ISOC1: variants seen among roughly 807,000 people sequenced by gnomAD.
ISOC1 encodes isochorismatase domain containing 1.
A neutral mutation model predicts 30.0 loss-of-function variants in ISOC1; 33 were observed. The observed-to-expected ratio is 1.10, with a 90% CI of 0.83 to 1.47. The LOEUF is 1.47. Among genes scored for constraint, ISOC1 ranks in the 40% most tolerant of loss-of-function variants. The pLI, the probability that ISOC1 is intolerant of heterozygous loss-of-function variation, is 0.00. For synonymous variants in ISOC1, 178 were observed against 159.8 expected, an observed-to-expected ratio of 1.11 and a Z score of -0.86; for missense variants, 372 against 388.0, an observed-to-expected ratio of 0.96 and a Z score of 0.35.
At chr5:129,100,098 T>C (rs1753551853) in intron 1 of ISOC1, among the ~76,000 whole-genome samples, 2 of 146,820 alleles carry the variant, frequency 1.4e-5, no homozygotes, top group South Asian at 4.4e-4. Context: ...TCAGAAACAC[T>C]TGGGAGTGAA....
At chr5:129,101,192 A>AAATAT (rs1554064627) in intron 1 of ISOC1, among the ~76,000 whole-genome samples, 4 of 42,236 alleles carry the variant, frequency 9.5e-5, no homozygotes, top group Admixed American at 3.3e-4. Flanking sequence ...AAAAAAAAAA[A>AAATAT]ATATATATAT....
chr5:129,105,473 C>A, intron 3 of ISOC1, 85 bp downstream of exon 3: 1 of 1,130,402 alleles, frequency 8.8e-7, no homozygotes, highest in Non-Finnish European at 1.3e-6. Context: ...ATATGGTATG[C>A]CAGGTAGGCA....
intron 1 of ISOC1, among the ~76,000 whole-genome samples, chr5:129,102,653 T>A (rs1172126112): frequency 6.6e-6 from 1 of 152,240 alleles, no homozygotes; most frequent in Non-Finnish European, 1.5e-5. Flanking sequence ...AATGATGTTT[T>A]CCTAATTTAT....
At chr5:129,098,902 G>A (rs1326016786) in intron 1 of ISOC1, among the ~76,000 whole-genome samples, 1 of 152,152 alleles carries the variant, frequency 6.6e-6, no homozygotes, top group Non-Finnish European at 1.5e-5. Context: ...AAGGCAGGAG[G>A]AAAGGAACCT....
Position 129,104,976 on chromosome 5 carries a change from T to C in ISOC1, c.330T>C (p.Leu110=), listed in dbSNP as rs775254315. 2 of 1,613,648 alleles carry C rather than the reference T, an allele frequency of 1.2e-6. No individual in the cohort carries two copies. Among genetic ancestry groups the C allele is most frequent in the South Asian group, 2.2e-5 (2 of 91,042 alleles). The change falls in exon 2 of 5, where the codon CTT becomes CTC. Residue 110 remains leucine (L), a synonymous_variant. Transcript: ENST00000173527. ...LQIQLTTLGN[L]TPSSTVFFCC... ...CTCAGCTCACTACCCTGGGAAATCT[T>C]ACACCTTCAAGCACTGTGTTTTTCT...
At chr5:129,104,892 C>T (rs989952184) in intron 1 of ISOC1, 64 bp from the exon 2 acceptor site, 2 of 1,532,828 alleles carry the variant, frequency 1.3e-6, no homozygotes, top group Admixed American at 1.8e-5. Context: ...CTTTATTGAC[C>T]TCCACTGAAA....
chr5:129,096,202 G>A (rs1449151170), intron 1 of ISOC1, among the ~76,000 whole-genome samples: 1 of 152,006 alleles, frequency 6.6e-6, no homozygotes, highest in East Asian at 1.9e-4. Context: ...TTATTTCTTT[G>A]TTCCAAATTC....
intron 1 of ISOC1, among the ~76,000 whole-genome samples, chr5:129,096,459 C>G (rs557124783): frequency 6.6e-6 from 1 of 152,268 alleles, no homozygotes; most frequent in African/African-American, 2.4e-5. Flanking sequence ...GATAAAGTTC[C>G]TGCATTCAGA....
chr5:129,105,148 TAG>T lies in ISOC1; in HGVS notation c.430-36_430-35del, dbSNP rs1193469455. ...ACTCATATATACACATATATGTATATAGCTAATTGTTTTTGTGTTTGGTTATT... is the reference window on the plus strand; with the variant it reads ...ACTCATATATACACATATATGTATATCTAATTGTTTTTGTGTTTGGTTATT... On this transcript the variant is annotated intron_variant, in intron 2 of 4. Coordinates refer to ENST00000173527, the MANE Select transcript of ISOC1 (RefSeq NM_016048.2). The T allele has an allele frequency of 3.1e-6, 5 of 1,612,732 alleles. No homozygotes were observed. In the South Asian group the frequency reaches 5.5e-5, roughly 18 times the overall value.
At chr5:129,110,073 G>A (rs1337842910) in intron 4 of ISOC1, among the ~76,000 whole-genome samples, 1 of 152,182 alleles carries the variant, frequency 6.6e-6, no homozygotes, top group Non-Finnish European at 1.5e-5. Context: ...TGACCTTGAT[G>A]TCCTTGTACT....
rs1007182897 is a variant in ISOC1 at position 129,100,808 on chromosome 5, A to G, written c.310-4148A>G. Among the ~76,000 whole-genome samples, 5 of 152,008 alleles carry G rather than the reference A, an allele frequency of 3.3e-5. No homozygotes were observed. In the East Asian group the frequency reaches 7.7e-4, roughly 23 times the overall value. ...GAGGATTTGGGAGGATTGGTTGGAC[A>G]TGATTAAAGTTTTTCAGTATGTTTT... is the stretch of plus-strand genomic sequence containing the variant. On this transcript the variant is annotated intron_variant, in intron 1 of 4. Transcript: ENST00000173527.
At chr5:129,098,794 T>C (rs949249496) in intron 1 of ISOC1, among the ~76,000 whole-genome samples, 3 of 152,180 alleles carry the variant, frequency 2.0e-5, no homozygotes, top group Non-Finnish European at 4.4e-5. Context: ...CCAGCTTTCA[T>C]TTTCTTGGAA....
intron 1 of ISOC1, among the ~76,000 whole-genome samples, chr5:129,103,094 C>T (rs1753591356): frequency 6.6e-6 from 1 of 152,178 alleles, no homozygotes; most frequent in African/African-American, 2.4e-5. Context: ...AGGCCTGCTG[C>T]AGGCAAACTG....
rs1273700428 is a variant in ISOC1 at position 129,105,055 on chromosome 5, A to G, written c.409A>G (p.Ile137Val). ...AGCCATCAAGTATTTTGGGGATATT[A>G]TTAGCGTGGGACAGAGATTGGTATG... Reference protein sequence around the residue: ...RPAIKYFGDIISVGQRLLQGA... With the variant: ...RPAIKYFGDIVSVGQRLLQGA... The change falls in exon 2 of 5, where the codon ATT becomes GTT. Residue 137 changes from isoleucine to valine, a missense_variant. Physicochemically the swap from Ile to Val is conservative, Grantham distance 29 (BLOSUM62 3). Transcript: ENST00000173527. The G allele has an allele frequency of 1.9e-6, 3 of 1,613,910 alleles. No homozygotes were observed. The highest frequency in any genetic ancestry group is 1.1e-5 in the South Asian group (1 of 91,080).
At position 129,105,062 on chromosome 5, in the gene ISOC1, T is replaced by A; in HGVS notation, c.416T>A (p.Val139Glu). The change falls in exon 2 of 5, where the codon GTG (valine) becomes GAG (glutamate). Residue 139 changes from valine to glutamate, a missense_variant. Val to Glu is a moderately radical substitution (Grantham distance 121, BLOSUM62 -2). Coordinates refer to ENST00000173527, the MANE Select transcript of ISOC1 (RefSeq NM_016048.2). ...AIKYFGDIIS[V>E]GQRLLQGARI... ...AAGTATTTTGGGGATATTATTAGCG[T>A]GGGACAGAGATTGGTATGCTTGTTT... 6.2e-7 allele frequency: 1 copy of A among 1,613,890 alleles called. No homozygotes were observed. The highest frequency in any genetic ancestry group is 1.1e-5 in the South Asian group (1 of 91,074).
Position 129,112,940 on chromosome 5 carries a change from A to T in ISOC1, c.836A>T (p.Lys279Met). ...GCTGATAAGGACCATCCAAAATTCA[A>T]GGAAATTCAGAATCTAATTAAGGCG... The part of the protein sequence containing the change: ...LVADKDHPKF[K>M]EIQNLIKASA... The change falls in exon 5 of 5, where the codon AAG becomes ATG. Residue 279 changes from lysine (K) to methionine (M), a missense_variant. By Grantham distance (95) the Lys-to-Met change is moderately conservative. Transcript: ENST00000173527. 1.9e-6 allele frequency: 3 copies of T among 1,613,830 alleles called. No homozygotes were observed. The highest frequency in any genetic ancestry group is 2.5e-6 in the Non-Finnish European group (3 of 1,179,794).
At chr5:129,108,109 T>A (rs1753660203) in intron 4 of ISOC1, among the ~76,000 whole-genome samples, 3 of 152,218 alleles carry the variant, frequency 2.0e-5, no homozygotes, top group African/African-American at 7.2e-5. Flanking sequence ...ATGGGTTTGT[T>A]TTGTTGAGAC....
Position 129,100,484 on chromosome 5 carries a change from G to T in ISOC1, c.310-4472G>T, listed in dbSNP as rs1469645981. The stretch of plus-strand genomic sequence containing the variant: ...ACTATGTGTAGGCATATAGATATAC[G>T]AAGGTGTGTGGATACATATATTTAT... On this transcript the variant is annotated intron_variant, in intron 1 of 4. Coordinates refer to ENST00000173527, the MANE Select transcript of ISOC1 (RefSeq NM_016048.2). Among the ~76,000 whole-genome samples, 6 of 152,024 alleles carry T rather than the reference G, an allele frequency of 3.9e-5. No homozygotes were observed. In the East Asian group the frequency reaches 1.2e-3, roughly 29 times the overall value.
chr5:129,110,465 G>A (rs1479115036), intron 4 of ISOC1, among the ~76,000 whole-genome samples: 1 of 152,186 alleles, frequency 6.6e-6, no homozygotes, highest in African/African-American at 2.4e-5. Flanking sequence ...GAATGGCTAA[G>A]AGCCAGATTG....
Sources: gnomAD v4.1 joint callset for allele counts (sites outside exome capture counted in the v4.1 genomes callset) on GRCh38, gnomAD v4.1.1 for gene constraint, MANE v1.5 for transcripts, NCBI Gene and HGNC (gene_info 2026-07-23, HGNC 2026-07-21) for gene names.